The following INTS1 variants were observed in gnomAD, a reference collection of about 807,000 sequenced individuals.
INTS1 encodes integrator complex subunit 1.
Under a neutral mutation model 241.6 loss-of-function variants are expected in INTS1, and 137 were observed. The observed-to-expected ratio is 0.57, with a 90% CI of 0.49 to 0.65. The LOEUF (loss-of-function observed/expected upper bound fraction) is 0.65, where lower values mean the gene tolerates loss of function less well. INTS1 is among the 30% of genes least tolerant of loss of function. The probability of loss-of-function intolerance (pLI) is 0.00; values close to 1 mark genes in which losing one functional copy is unlikely to be tolerated. For missense variants in INTS1, 3,073 were observed against 3,032.2 expected (o/e 1.01, Z -0.32); for synonymous variants, 1,692 against 1,337.8 (o/e 1.26, Z -5.78).
At chr7:1,484,238 C>T in intron 24 of INTS1, 68 bp from the exon 25 acceptor site, 2 of 1,503,838 alleles carry the variant, frequency 1.3e-6, no homozygotes, top group Non-Finnish European at 9.0e-7. Flanking sequence ...CTGGGGTGAC[C>T]TCGTCGCAGG....
intron 24 of INTS1, among the ~76,000 whole-genome samples, chr7:1,484,677 A>C (rs904808221): frequency 2.6e-5 from 4 of 152,308 alleles, no homozygotes; most frequent in East Asian, 1.9e-4. Context: ...GTCGGGGAGA[A>C]GGCTGATGGC....
In INTS1 at chr7:1,495,484, T is replaced by G; in HGVS notation, c.1781A>C (p.His594Pro). The G allele has an allele frequency of 6.2e-7, 1 of 1,612,692 alleles. No individual in the cohort carries two copies. The highest frequency in any genetic ancestry group is 8.5e-7 in the Non-Finnish European group (1 of 1,179,706). ...AIQRDAVWWL[H>P]TVVPSISKLA... is the part of the protein sequence containing the mutation. ...CTTGCTGATGGAGGGGACCACAGTG[T>G]GGAGCCACCAGACGGCATCCCGCTG... Residue 594 changes from histidine (H) to proline (P), a missense_variant, in exon 13 of 48, where the codon CAC becomes CCC. Coordinates refer to ENST00000404767, the MANE Select transcript of INTS1 (RefSeq NM_001080453.3).
Position 1,476,493 on chromosome 7 carries a change from G to GCCTCTCCCGGATAGGCCACCC in INTS1, c.5152-39_5152-38insGGGTGGCCTATCCGGGAGAGG, listed in dbSNP as rs1554274327. ...CCTGCATCAGCCCCGGAGCACCACC[G>GCCTCTCCCGGATAGGCCACCC]CCTCTCCCGGATGGGCCACCCCCTC... is the stretch of plus-strand genomic sequence containing the variant. On this transcript the variant is annotated intron_variant, in intron 37 of 47. Transcript: ENST00000404767. 84 of 1,190,224 alleles carry GCCTCTCCCGGATAGGCCACCC rather than the reference G, an allele frequency of 7.1e-5. No homozygotes were observed. The African/African-American group carries it at 1.3e-3, about 18-fold the overall frequency. The allele number at this position is 1,190,224 out of a possible 1,614,324, so 73.7% of individuals were successfully genotyped here.
At chr7:1,501,484 G>A (rs1463939856) in intron 3 of INTS1, among the ~76,000 whole-genome samples, 2 of 152,010 alleles carry the variant, frequency 1.3e-5, no homozygotes, top group South Asian at 4.1e-4. Flanking sequence ...ACAAATGGCT[G>A]GATGCAGCCA....
Position 1,477,884 on chromosome 7 carries a change from A to T in INTS1, c.4683T>A (p.Thr1561=). ...CATCCGCAGTGGCAGAGAAGAATGCAGTCAGCAGCTCCTCCAGGTGGGGGG... is the reference window on the plus strand; with the variant it reads ...CATCCGCAGTGGCAGAGAAGAATGCTGTCAGCAGCTCCTCCAGGTGGGGGG... The part of the protein sequence containing the change: ...VRSPHLEELL[T]AFFSATADAA... Residue 1561 remains threonine (T), a synonymous_variant, in exon 34 of 48, where the codon ACT becomes ACA. Coordinates refer to ENST00000404767, the MANE Select transcript of INTS1 (RefSeq NM_001080453.3). 6.2e-7 allele frequency: 1 copy of T among 1,612,614 alleles called. No individual in the cohort carries two copies. The highest frequency in any genetic ancestry group is 1.6e-4 in the Middle Eastern group (1 of 6,062).
In INTS1 at chr7:1,493,130, G is replaced by A; in HGVS notation, c.2069-24C>T. 6.3e-7 allele frequency: 1 copy of A among 1,582,168 alleles called. No individual in the cohort carries two copies. Among genetic ancestry groups the A allele is most frequent in the Non-Finnish European group, 8.7e-7 (1 of 1,153,248 alleles). On this transcript the variant is annotated intron_variant, in intron 15 of 47. Coordinates refer to ENST00000404767, the MANE Select transcript of INTS1 (RefSeq NM_001080453.3). The surrounding 1 kb of genome is among the most constrained non-coding windows in gnomAD (Gnocchi z 5.3). ...ATCTAAGACCAAGAGCCACACATGG[G>A]TTCTGGGGCTGCTCACAGACCATCA...
intron 32 of INTS1, 79 bp from the exon 33 acceptor site, chr7:1,478,585 T>G (rs1562491354): frequency 1.3e-6 from 2 of 1,538,756 alleles, no homozygotes; most frequent in Non-Finnish European, 8.8e-7. Context: ...GGCCCCACGG[T>G]AGAAGGGCTC....
Position 1,499,595 on chromosome 7 carries a change from A to G in INTS1, c.722T>C (p.Val241Ala). Residue 241 changes from valine to alanine, a missense_variant, in exon 6 of 48, where the codon GTG becomes GCG. Coordinates refer to ENST00000404767, the MANE Select transcript of INTS1 (RefSeq NM_001080453.3). ...AAACGTCTTACAGTGAGGGCTGTCC[A>G]CCCAGATCCGCTCCCCCAGGGAGTC... ...IEDSLGERIW[V>A]DSPHCKTFVD... 6.2e-7 allele frequency: 1 copy of G among 1,613,130 alleles called. No homozygotes were observed. Among genetic ancestry groups the G allele is most frequent in the East Asian group, 2.2e-5 (1 of 44,858 alleles).
intron 26 of INTS1, 24 bp downstream of exon 26, chr7:1,483,718 C>G (rs1436613664): frequency 1.3e-6 from 2 of 1,594,450 alleles, no homozygotes; most frequent in Non-Finnish European, 1.7e-6. Flanking sequence ...GAAGCTGCCC[C>G]TCCCGGGGCC....
In INTS1 at chr7:1,486,664, G is replaced by A. The variant is rs117508585; in HGVS notation, c.2937C>T (p.Leu979=). 23,040 of 1,611,986 alleles carry A rather than the reference G, an allele frequency of 0.014. 211 individuals are homozygous for A. The highest frequency in any genetic ancestry group is 0.022 in the Middle Eastern group (135 of 6,056). The change falls in exon 22 of 48, where the codon CTC becomes CTT. Residue 979 remains leucine (L), a synonymous_variant. Coordinates refer to ENST00000404767, the MANE Select transcript of INTS1 (RefSeq NM_001080453.3). ...CGCGGGAGGCCACCTGGGAGGAGCC[G>A]AGGCGCCGCAAGAAGTAGTCCAGCA... ...CEVLDYFLRR[L]GSSQVASRVL...
At chr7:1,486,801 G>T (rs750728062) in intron 21 of INTS1, 27 bp from the exon 22 acceptor site, 1 of 1,609,750 alleles carries the variant, frequency 6.2e-7, no homozygotes, top group Non-Finnish European at 8.5e-7. Flanking sequence ...GCTCTCAGGG[G>T]TGCAGGTGAC....
chr7:1,501,931 C>A (rs1783200935), intron 3 of INTS1, among the ~76,000 whole-genome samples: 1 of 152,172 alleles, frequency 6.6e-6, no homozygotes, highest in Admixed American at 6.5e-5. Flanking sequence ...CCCTTTCCTG[C>A]CTGCCCCGGT....
At chr7:1,479,770 C>T (rs1781905786) in intron 30 of INTS1, 86 bp from the exon 31 acceptor site, 6 of 1,350,824 alleles carry the variant, frequency 4.4e-6, no homozygotes, top group Non-Finnish European at 5.8e-6. Context: ...GGTGCAGCTC[C>T]GTGCCAGAAC....
rs1451463955 is a variant in INTS1, at chr7:1,481,562, G to C, written c.3704-74C>G. On this transcript the variant is annotated intron_variant, in intron 27 of 47. Transcript: ENST00000404767. This position sits in a 1 kb window ranked among gnomAD's most constrained non-coding sequence, Gnocchi z 6.8. ...CACTCGGGACCCCACCCGAGACCTG[G>C]GGCTGCCTGTGTGCAGTGACCCCAC... The C allele has an allele frequency of 1.3e-6, 2 of 1,492,470 alleles. No individual in the cohort carries two copies. Among genetic ancestry groups the C allele is most frequent in the Admixed American group, 4.0e-5 (2 of 49,802 alleles). The allele number at this position is 1,492,470 out of a possible 1,614,324, so 92.5% of individuals were successfully genotyped here.
intron 13 of INTS1, 38 bp downstream of exon 13, chr7:1,495,395 G>A: frequency 1.3e-6 from 2 of 1,583,672 alleles, no homozygotes; most frequent in South Asian, 1.1e-5. Flanking sequence ...CGGCTCAGTG[G>A]GGTGTGGGAC....
In INTS1 at chr7:1,474,844, G is replaced by A. The variant is rs772578709; in HGVS notation, c.5503-6C>T. 9 of 1,581,858 alleles carry A rather than the reference G, an allele frequency of 5.7e-6. No homozygotes were observed. Among genetic ancestry groups the A allele is most frequent in the Non-Finnish European group, 6.9e-6 (8 of 1,166,258 alleles). On this transcript the variant is annotated splice_polypyrimidine_tract_variant and splice_region_variant and intron_variant, in intron 39 of 47. Transcript: ENST00000404767. Reference sequence around the variant, plus strand: ...CGGTGGATGAGTCCGTCCAGCTGCAGGGAGGGGCGCTCTGAGGCCGGGGCC... The same window carrying A: ...CGGTGGATGAGTCCGTCCAGCTGCAAGGAGGGGCGCTCTGAGGCCGGGGCC...
intron 3 of INTS1, among the ~76,000 whole-genome samples, chr7:1,502,023 A>C (rs1783204736): frequency 6.6e-6 from 1 of 151,576 alleles, no homozygotes; most frequent in Non-Finnish European, 1.5e-5. Flanking sequence ...TCGGGGACTC[A>C]CTCACAGGCT....
Position 1,504,375 on chromosome 7 carries a change from T to C in INTS1, c.-94A>G. The C allele has an allele frequency of 4.1e-6, 2 of 482,916 alleles. No individual in the cohort carries two copies. The highest frequency in any genetic ancestry group is 1.5e-5 in the South Asian group (1 of 65,156). 29.9% of individuals were successfully genotyped at this position (482,916 alleles called of 1,614,324 possible). The stretch of plus-strand genomic sequence containing the variant: ...CCGCCGCCACCCGGCCACCCCGGAA[T>C]CGGAAACCGATCTCACCGCCCTCGA... On this transcript the variant is annotated 5_prime_UTR_variant, in exon 1 of 48. Coordinates refer to ENST00000404767, the MANE Select transcript of INTS1 (RefSeq NM_001080453.3).
chr7:1,503,218 G>A, intron 2 of INTS1, 27 bp from the exon 3 acceptor site: 2 of 1,515,608 alleles, frequency 1.3e-6, no homozygotes, highest in Middle Eastern at 1.9e-4. Flanking sequence ...GAGAAAACCG[G>A]GCACATTTGC....
Sources: gnomAD v4.1 joint callset for allele counts (sites outside exome capture counted in the v4.1 genomes callset) on GRCh38, gnomAD v4.1.1 for gene constraint, Gnocchi (gnomAD v3.1) non-coding constraint, MANE v1.5 for transcripts, NCBI Gene and HGNC (gene_info 2026-07-23, HGNC 2026-07-21) for gene names.